HIPK2: variants seen among roughly 807,000 people sequenced by gnomAD.
The protein encoded by HIPK2 is homeodomain-interacting protein kinase 2.
In HIPK2, 27 loss-of-function variants were observed where a neutral mutation model predicts 113.7. That is an observed-to-expected ratio of 0.24 (90% CI 0.17 to 0.33). The LOEUF (loss-of-function observed/expected upper bound fraction) is 0.33. HIPK2 is among the 10% of genes least tolerant of loss of function. The pLI is 1.00. For missense variants in HIPK2, 1,257 were observed against 1,588.0 expected, an observed-to-expected ratio of 0.79 and a Z score of 3.54; for synonymous variants, 631 against 642.2, an observed-to-expected ratio of 0.98 and a Z score of 0.26.
intron 1 of HIPK2, among the ~76,000 whole-genome samples, chr7:139,751,932 G>C (rs1473881019): frequency 6.6e-6 from 1 of 152,132 alleles, no homozygotes; most frequent in Non-Finnish European, 1.5e-5. Flanking sequence ...AGGAAGGAAG[G>C]ATGGGAGGAA....
chr7:139,753,325 G>C (rs1796310526), intron 1 of HIPK2, among the ~76,000 whole-genome samples: 1 of 152,202 alleles, frequency 6.6e-6, no homozygotes. Context: ...GAGGGTGCTG[G>C]CGTGGCAGCT....
At chr7:139,582,050 T>TC (rs1444613995) in intron 13 of HIPK2, among the ~76,000 whole-genome samples, 1 of 152,202 alleles carries the variant, frequency 6.6e-6, no homozygotes, top group Admixed American at 6.5e-5. Flanking sequence ...GGGAATGACT[T>TC]CGGGTGCCTC....
intron 1 of HIPK2, among the ~76,000 whole-genome samples, chr7:139,726,789 C>T (rs1014103661): frequency 1.4e-4 from 21 of 152,292 alleles, no homozygotes; most frequent in Admixed American, 9.2e-4. Context: ...TGAACTAGTT[C>T]ATGGGTAAGG....
chr7:139,572,919 T>A lies in HIPK2; in HGVS notation c.*8A>T. On this transcript the variant is annotated 3_prime_UTR_variant, in exon 15 of 15. Coordinates refer to ENST00000406875, the MANE Select transcript of HIPK2 (RefSeq NM_022740.5). ...TCCCTCCCTCCCTCCCTCCCTCCCC[T>A]CCAGTGTTTATATGTAAGGGTACTG... is the stretch of plus-strand genomic sequence containing the variant. 2 of 164,860 alleles carry A rather than the reference T, an allele frequency of 1.2e-5. No individual in the cohort carries two copies. Among genetic ancestry groups the A allele is most frequent in the Non-Finnish European group, 2.4e-5 (2 of 84,504 alleles). 10.2% of individuals were successfully genotyped at this position (164,860 alleles called of 1,614,324 possible). A position where few individuals can be genotyped will look rare whatever the true frequency, so the allele number is the denominator to read the frequency against.
intron 2 of HIPK2, among the ~76,000 whole-genome samples, chr7:139,695,358 C>G (rs907963391): frequency 1.3e-5 from 2 of 152,082 alleles, no homozygotes; most frequent in Non-Finnish European, 2.9e-5. Flanking sequence ...CTGTGTGGCC[C>G]GGGGCTGCCT....
chr7:139,725,773 A>C (rs1795557659), intron 1 of HIPK2, among the ~76,000 whole-genome samples: 1 of 152,224 alleles, frequency 6.6e-6, no homozygotes, highest in Non-Finnish European at 1.5e-5. Flanking sequence ...ACAAAACTAC[A>C]GTGTTTCCCT....
chr7:139,668,052 G>A (rs1802110063), intron 2 of HIPK2, among the ~76,000 whole-genome samples: 1 of 151,484 alleles, frequency 6.6e-6, no homozygotes, highest in South Asian at 2.1e-4. Context: ...CTTGAACCCA[G>A]GAGGTGGAGG....
chr7:139,631,119 C>T lies in HIPK2; in HGVS notation c.1347+46G>A, dbSNP rs780326324. On this transcript the variant is annotated intron_variant, in intron 4 of 14. Coordinates refer to ENST00000406875, the MANE Select transcript of HIPK2 (RefSeq NM_022740.5). The surrounding 1 kb of genome is among the most constrained non-coding windows in gnomAD (Gnocchi z 4.9). ...ACTAATGGGTCTACGGCCCTCTTCCCTAAGCGCTGGGCCACTGTGAGGAGT... is the reference window on the plus strand; with the variant it reads ...ACTAATGGGTCTACGGCCCTCTTCCTTAAGCGCTGGGCCACTGTGAGGAGT... The T allele has an allele frequency of 3.2e-6, 5 of 1,574,170 alleles. No homozygotes were observed. The Admixed American group carries it at 7.4e-5, about 23-fold the overall frequency.
At chr7:139,611,474 T>C (rs1165661238) in intron 9 of HIPK2, among the ~76,000 whole-genome samples, 1 of 152,158 alleles carries the variant, frequency 6.6e-6, no homozygotes, top group Non-Finnish European at 1.5e-5. Flanking sequence ...TCTTAATAGA[T>C]ACAGAAAGAA....
chr7:139,575,344 G>C, intron 13 of HIPK2, 56 bp from the exon 14 acceptor site: 2 of 1,507,824 alleles, frequency 1.3e-6, no homozygotes, highest in Middle Eastern at 1.7e-4. Context: ...CTGCCCAGAA[G>C]ATGCTACCCC....
At chr7:139,635,152 G>C (rs1486315199) in intron 2 of HIPK2, among the ~76,000 whole-genome samples, 1 of 152,182 alleles carries the variant, frequency 6.6e-6, no homozygotes, top group African/African-American at 2.4e-5. Flanking sequence ...CTGGCTCAAG[G>C]ATCAAGCACA....
intron 9 of HIPK2, among the ~76,000 whole-genome samples, chr7:139,606,367 TA>T (rs1306062092): frequency 2.6e-5 from 4 of 152,210 alleles, no homozygotes; most frequent in Admixed American, 2.6e-4. Context: ...TTAATAATAT[TA>T]ATAACTTGCC....
chr7:139,702,159 A>C (rs1403475856), intron 2 of HIPK2, among the ~76,000 whole-genome samples: 1 of 152,104 alleles, frequency 6.6e-6, no homozygotes, highest in Non-Finnish European at 1.5e-5. Flanking sequence ...CAGCGGCGGG[A>C]GAGGCTGGGC....
intron 2 of HIPK2, among the ~76,000 whole-genome samples, chr7:139,679,519 A>G (rs1291687197): frequency 6.6e-6 from 1 of 152,236 alleles, no homozygotes; most frequent in Non-Finnish European, 1.5e-5. Context: ...CAATCTTTAA[A>G]TTAAACAACC....
At chr7:139,609,471 T>C (rs959086045) in intron 9 of HIPK2, among the ~76,000 whole-genome samples, 1 of 152,168 alleles carries the variant, frequency 6.6e-6, no homozygotes, top group African/African-American at 2.4e-5. Flanking sequence ...TGTTCATAAG[T>C]AAAATCCTTT....
Position 139,572,792 on chromosome 7 carries a change from C to CCT in HIPK2, c.*134_*135insAG. 2 of 183,674 alleles carry CCT rather than the reference C, an allele frequency of 1.1e-5. No individual in the cohort carries two copies. Among genetic ancestry groups the CCT allele is most frequent in the Non-Finnish European group, 2.1e-5 (2 of 97,446 alleles). 11.4% of individuals were successfully genotyped at this position (183,674 alleles called of 1,614,324 possible). On this transcript the variant is annotated 3_prime_UTR_variant, in exon 15 of 15. Transcript: ENST00000406875. ...CCCCCCCCCCCCCCCGCCCCTGCCC[C>CCT]GTTTGCATTGTTTGTGTGCGGCATC... is the stretch of plus-strand genomic sequence containing the variant.
chr7:139,589,666 C>T (rs1203421685), intron 12 of HIPK2, among the ~76,000 whole-genome samples: 1 of 152,228 alleles, frequency 6.6e-6, no homozygotes, highest in African/African-American at 2.4e-5. Context: ...GAGCTGACAG[C>T]TTGGCGTGGG....
chr7:139,635,570 C>T (rs968667902), intron 2 of HIPK2, among the ~76,000 whole-genome samples: 1 of 152,122 alleles, frequency 6.6e-6, no homozygotes, highest in Non-Finnish European at 1.5e-5. Flanking sequence ...TGCTTGTAGT[C>T]CACCAAGAAA....
intron 13 of HIPK2, chr7:139,583,381 A>G (rs1260732403): frequency 6.0e-6 from 1 of 167,066 alleles, no homozygotes; most frequent in Admixed American, 6.0e-5. Context: ...GAGAGGGGCC[A>G]ATTTCACCCT....
Sources: allele counts gnomAD v4.1 joint callset (sites outside exome capture counted in the v4.1 genomes callset), GRCh38; gene constraint gnomAD v4.1.1; non-coding constraint Gnocchi (gnomAD v3.1); transcripts MANE v1.5; gene names NCBI Gene and HGNC (gene_info 2026-07-23, HGNC 2026-07-21).